The following CABLES2 variants were observed in gnomAD, a reference collection of about 807,000 sequenced individuals.
The protein encoded by CABLES2 is CDK5 and ABL1 enzyme substrate 2.
CABLES2 carries 35 observed loss-of-function variants against 44.8 expected under a neutral mutation model. The observed-to-expected ratio is 0.78, with a 90% CI of 0.60 to 1.04. The LOEUF is 1.04. Ranked by LOEUF, CABLES2 falls within the 50% of genes least tolerant of loss-of-function variation. The pLI is 0.00. For missense variants in CABLES2, 566 were observed against 615.7 expected (o/e 0.92, Z 0.85); for synonymous variants, 282 against 281.1 (o/e 1.00, Z -0.03).
chr20:62,396,824 A>G lies in CABLES2; in HGVS notation c.363-232T>C, dbSNP rs546654368. Among the ~76,000 whole-genome samples the G allele has an allele frequency of 1.6e-4, 25 of 152,230 alleles. No individual in the cohort carries two copies. The highest frequency in any genetic ancestry group is 3.3e-4 in the Admixed American group (5 of 15,306). On this transcript the variant is annotated intron_variant, in intron 1 of 9. Coordinates refer to ENST00000279101, the MANE Select transcript of CABLES2 (RefSeq NM_031215.3). This position sits in a 1 kb window ranked among gnomAD's most constrained non-coding sequence, Gnocchi z 5.7. ...ACTGAGCTCTTCTCTGGGGACCAGC[A>G]GCCCTGGGGGACAGGCTCCTCAGGC...
intron 1 of CABLES2, among the ~76,000 whole-genome samples, chr20:62,398,100 G>GTGA (rs1988089045): frequency 2.2e-5 from 3 of 139,526 alleles, no homozygotes; most frequent in Non-Finnish European, 4.7e-5. Flanking sequence ...GGTGGTGGTG[G>GTGA]TGGTGATGGT....
In CABLES2 at chr20:62,389,111, AAC is replaced by A. The variant is rs1316603723; in HGVS notation, c.*1858_*1859del. The A allele has an allele frequency of 3.9e-5, 6 of 153,766 alleles. No homozygotes were observed. Among genetic ancestry groups the A allele is most frequent in the African/African-American group, 1.4e-4 (6 of 41,476 alleles). The allele number at this position is 153,766 out of a possible 1,614,324, so 9.5% of individuals were successfully genotyped here. ...CCCTGGAGGGCAGGTTGTAAACTGCAACAGTTACTAGGAAGTCAGTCCTTTAC... is the reference window on the plus strand; with the variant it reads ...CCCTGGAGGGCAGGTTGTAAACTGCAAGTTACTAGGAAGTCAGTCCTTTAC... On this transcript the variant is annotated 3_prime_UTR_variant, in exon 10 of 10. Transcript: ENST00000279101.
chr20:62,394,028 C>T (rs1987969473), intron 5 of CABLES2, 129 bp downstream of exon 5: 1 of 768,172 alleles, frequency 1.3e-6, no homozygotes. Flanking sequence ...CGCATCCACT[C>T]CACCCTTGCG....
At chr20:62,405,536 G>A (rs928720970) in intron 1 of CABLES2, 2 of 152,338 alleles carry the variant, frequency 1.3e-5, no homozygotes, top group African/African-American at 4.8e-5. Flanking sequence ...TTCCAAGGAT[G>A]GAGTGCACCG....
intron 1 of CABLES2, among the ~76,000 whole-genome samples, chr20:62,400,269 G>A (rs554186880): frequency 6.6e-6 from 1 of 151,974 alleles, no homozygotes; most frequent in South Asian, 2.1e-4. Context: ...GCACAGTGGG[G>A]TGGGTGGGGA....
At chr20:62,400,868 G>C (rs1485498185) in intron 1 of CABLES2, among the ~76,000 whole-genome samples, 1 of 152,206 alleles carries the variant, frequency 6.6e-6, no homozygotes, top group Non-Finnish European at 1.5e-5. Context: ...GTTCCCAGCA[G>C]GTTCTTCTAC....
chr20:62,397,794 C>T (rs1259312478), intron 1 of CABLES2, among the ~76,000 whole-genome samples: 3 of 151,712 alleles, frequency 2.0e-5, no homozygotes, highest in Non-Finnish European at 4.4e-5. Flanking sequence ...ACTCCAATTG[C>T]GATGACAATG....
intron 5 of CABLES2, 90 bp from the exon 6 acceptor site, chr20:62,393,695 GCCAGGAGCCCTGCATGGAAAAT>G: frequency 7.3e-7 from 1 of 1,375,970 alleles, no homozygotes; most frequent in Non-Finnish European, 9.8e-7. Flanking sequence ...AGACGCACAT[GCCAGGAGCCCTGCATGGAAAAT>G]GAAGGGAACA....
rs1020690890 is a variant in CABLES2 at position 62,407,257 on chromosome 20, C to A, written c.20G>T (p.Gly7Val). 2 of 633,616 alleles carry A rather than the reference C, an allele frequency of 3.2e-6. No homozygotes were observed. Among genetic ancestry groups the A allele is most frequent in the African/African-American group, 4.0e-5 (2 of 49,592 alleles). 39.2% of individuals were successfully genotyped at this position (633,616 alleles called of 1,614,324 possible). A position where few individuals can be genotyped will look rare whatever the true frequency, so the allele number is the denominator to read the frequency against. Reference protein sequence around the residue: MAAAAAGGAPGPAPGPA... With the variant: MAAAAAVGAPGPAPGPA... ...GCCGGGGGCCGGGCCCGGGGCTCCA[C>A]CGGCCGCGGCCGCGGCCATCCTCAG... The change falls in exon 1 of 10, where the codon GGT becomes GTT. Residue 7 changes from glycine (G) to valine (V), a missense_variant. By Grantham distance (109) the Gly-to-Val change is moderately radical. Transcript: ENST00000279101.
chr20:62,398,058 A>ATGG (rs1333817022), intron 1 of CABLES2, among the ~76,000 whole-genome samples: 9 of 77,278 alleles, frequency 1.2e-4, no homozygotes, highest in African/African-American at 2.6e-4. Flanking sequence ...GGTGATGGCG[A>ATGG]TGGTGGTGGT....
intron 1 of CABLES2, among the ~76,000 whole-genome samples, chr20:62,399,740 C>A (rs1988154579): frequency 2.0e-5 from 3 of 151,898 alleles, no homozygotes; most frequent in Admixed American, 2.0e-4. Flanking sequence ...AGTACAGGCG[C>A]CTGTCACCAT....
rs1293738591 is a variant in CABLES2, at chr20:62,402,537, C to T, written c.362+4378G>A. On this transcript the variant is annotated intron_variant, in intron 1 of 9. Transcript: ENST00000279101. The stretch of plus-strand genomic sequence containing the variant: ...ACGCCAGCACCGGGGAGACTGGAAC[C>T]GTCTCTCGCCAGGAAGGCGTGGGCA... 3 of 152,260 alleles carry T rather than the reference C, an allele frequency of 2.0e-5. No homozygotes were observed. In the East Asian group the frequency reaches 5.8e-4, roughly 29 times the overall value. 9.4% of individuals were successfully genotyped at this position (152,260 alleles called of 1,614,324 possible).
chr20:62,396,097 G>C lies in CABLES2; in HGVS notation c.527+218C>G, dbSNP rs1988013339. Among the ~76,000 whole-genome samples, 4 of 152,236 alleles carry C rather than the reference G, an allele frequency of 2.6e-5. No individual in the cohort carries two copies. Among genetic ancestry groups the C allele is most frequent in the Admixed American group, 2.0e-4 (3 of 15,286 alleles). ...GTGACCCTTCACCTGGGAGCCCAGAGAGGGTGATCTCGCTGTGGTGACACC... is the reference window on the plus strand; with the variant it reads ...GTGACCCTTCACCTGGGAGCCCAGACAGGGTGATCTCGCTGTGGTGACACC... On this transcript the variant is annotated intron_variant, in intron 3 of 9. Coordinates refer to ENST00000279101, the MANE Select transcript of CABLES2 (RefSeq NM_031215.3). The surrounding 1 kb of genome is among the most constrained non-coding windows in gnomAD (Gnocchi z 5.7).
Position 62,388,724 on chromosome 20 carries a change from C to G in CABLES2, c.*2247G>C, listed in dbSNP as rs1987845456. The G allele has an allele frequency of 1.6e-5, 9 of 551,572 alleles. No homozygotes were observed. Among genetic ancestry groups the G allele is most frequent in the Non-Finnish European group, 2.6e-5 (8 of 310,634 alleles). The allele number at this position is 551,572 out of a possible 1,614,324, so 34.2% of individuals were successfully genotyped here. A position where few individuals can be genotyped will look rare whatever the true frequency, so the allele number is the denominator to read the frequency against. ...AACTCAAACATTCTGAGGTCTGATA[C>G]TTGCTTATGCACACTGACATCCACA... On this transcript the variant is annotated 3_prime_UTR_variant, in exon 10 of 10. Transcript: ENST00000279101.
chr20:62,401,844 G>A (rs1988194349), intron 1 of CABLES2, among the ~76,000 whole-genome samples: 1 of 152,184 alleles, frequency 6.6e-6, no homozygotes, highest in African/African-American at 2.4e-5. Flanking sequence ...TGAGCTGCAC[G>A]CACCTTCCAT....
At chr20:62,392,818 G>T in intron 7 of CABLES2, 102 bp downstream of exon 7, 1 of 1,053,290 alleles carries the variant, frequency 9.5e-7, no homozygotes, top group Non-Finnish European at 1.5e-6. Context: ...ATGGGGGCAC[G>T]TCACGCCCCT....
rs2146420542 is a variant in CABLES2, at chr20:62,394,947, G to A, written c.595C>T (p.Leu199=). 1 of 1,612,854 alleles carries A rather than the reference G, an allele frequency of 6.2e-7. No homozygotes were observed. Among genetic ancestry groups the A allele is most frequent in the Non-Finnish European group, 8.5e-7 (1 of 1,179,868 alleles). The change falls in exon 4 of 10, where the codon CTG becomes TTG. Residue 199 remains leucine (L), a synonymous_variant. Transcript: ENST00000279101. ...AFSVLPYGEG[L]RISDLRVDSQ... ...GCGCTGAGTACTCACCTGATCCGCA[G>A]GCCTTCCCCATAGGGCAGGACCGAG...
rs1265742925 is a variant in CABLES2 at position 62,397,964 on chromosome 20, GGTGGTGACA to G, written c.363-1381_363-1373del. Among the ~76,000 whole-genome samples the G allele has an allele frequency of 1.3e-4, 16 of 120,486 alleles. 2 individuals are homozygous for G. The highest frequency in any genetic ancestry group is 2.7e-4 in the African/African-American group (8 of 29,220). 79.0% of individuals were successfully genotyped at this position (120,486 alleles called of 152,430 possible). On this transcript the variant is annotated intron_variant, in intron 1 of 9. Coordinates refer to ENST00000279101, the MANE Select transcript of CABLES2 (RefSeq NM_031215.3). ...TGGTGGTGACGGTAGTGGTGGTGAT[GGTGGTGACA>G]GTGGTGATGGCGGTGGTGGTGATGA... is the stretch of plus-strand genomic sequence containing the variant.
intron 3 of CABLES2, among the ~76,000 whole-genome samples, chr20:62,395,838 G>A (rs1165341774): frequency 6.6e-6 from 1 of 152,188 alleles, no homozygotes; most frequent in African/African-American, 2.4e-5. Context: ...ATGGGAATAC[G>A]GGGCCACAGG....
Sources: gnomAD v4.1 joint callset for allele counts (sites outside exome capture counted in the v4.1 genomes callset) on GRCh38, gnomAD v4.1.1 for gene constraint, Gnocchi (gnomAD v3.1) non-coding constraint, MANE v1.5 for transcripts, NCBI Gene and HGNC (gene_info 2026-07-23, HGNC 2026-07-21) for gene names.